SLC35C1: variants seen among roughly 807,000 people sequenced by gnomAD.
SLC35C1 encodes the protein GDP-fucose transporter 1.
In SLC35C1, 8 loss-of-function variants were observed where a neutral mutation model predicts 23.2. The observed-to-expected ratio is 0.35, with a 90% confidence interval of 0.20 to 0.62. The LOEUF (loss-of-function observed/expected upper bound fraction) is 0.62, where lower values mean the gene tolerates loss of function less well. Among genes scored for constraint, SLC35C1 ranks in the 20% least tolerant of loss-of-function variants. SLC35C1 has a pLI of 0.75. For synonymous variants in SLC35C1, 226 were observed against 225.1 expected (o/e 1.00, Z -0.04); for missense variants, 422 against 478.6 (o/e 0.88, Z 1.10).
At position 45,812,251 on chromosome 11, in the gene SLC35C1, C is replaced by A; in HGVS notation, c.*916C>A. On this transcript the variant is annotated 3_prime_UTR_variant, in exon 2 of 2. Coordinates refer to ENST00000314134, the MANE Select transcript of SLC35C1 (RefSeq NM_018389.5). The stretch of plus-strand genomic sequence containing the variant: ...ATGGAGCAAGGGTCCAGACTAGGAG[C>A]CTTCCACCCCAGCTGTGTCTGGCGC... 3.7e-6 allele frequency: 1 copy of A among 271,028 alleles called. No homozygotes were observed. Among genetic ancestry groups the A allele is most frequent in the South Asian group, 3.8e-5 (1 of 26,040 alleles). 16.8% of individuals were successfully genotyped at this position (271,028 alleles called of 1,614,324 possible). A position where few individuals can be genotyped will look rare whatever the true frequency, so the allele number is the denominator to read the frequency against.
intron 1 of SLC35C1, chr11:45,806,868 A>G: frequency 1.0e-6 from 1 of 984,648 alleles, no homozygotes; most frequent in Non-Finnish European, 1.2e-6. Context: ...AGTAGAGGAC[A>G]ATACGTCTTT....
At chr11:45,804,332 AG>A (rs1273186539), upstream of SLC35C1, 1 of 278,416 alleles carries the variant, frequency 3.6e-6, no homozygotes, top group East Asian at 1.7e-4. Flanking sequence ...GGCGGAAAGC[AG>A]GAAGTCGATC....
intron 1 of SLC35C1, among the ~76,000 whole-genome samples, chr11:45,808,281 C>T (rs1373898012): frequency 6.6e-6 from 1 of 152,088 alleles, no homozygotes; most frequent in African/African-American, 2.4e-5. Flanking sequence ...AGGTGGATCA[C>T]CTGAGATCAG....
chr11:45,811,815 C>T lies in SLC35C1; in HGVS notation c.*480C>T, dbSNP rs2085951787. On this transcript the variant is annotated 3_prime_UTR_variant, in exon 2 of 2. Transcript: ENST00000314134. ...TCCGTCTGCGGTGGGCAGGCAGCCT[C>T]ACCCTGGGCCCACAGACCGGCCTTC... The T allele has an allele frequency of 6.4e-6, 1 of 156,104 alleles. No homozygotes were observed. Among genetic ancestry groups the T allele is most frequent in the South Asian group, 2.0e-4 (1 of 5,056 alleles). The allele number at this position is 156,104 out of a possible 1,614,324, so 9.7% of individuals were successfully genotyped here. A position where few individuals can be genotyped will look rare whatever the true frequency, so the allele number is the denominator to read the frequency against.
rs890135952 is a variant in SLC35C1, at chr11:45,806,460, G to T, written c.535+124G>T. 5.3e-6 allele frequency: 7 copies of T among 1,321,540 alleles called. No individual in the cohort carries two copies. In the African/African-American group the frequency reaches 1.0e-4, roughly 19 times the overall value. 81.9% of individuals were successfully genotyped at this position (1,321,540 alleles called of 1,614,324 possible). On this transcript the variant is annotated intron_variant, in intron 1 of 1. Coordinates refer to ENST00000314134, the MANE Select transcript of SLC35C1 (RefSeq NM_018389.5). ...CTCCTTTGGTGCAGCAGTCATAGGA[G>T]AAAGAGCCTGGGGGCACAGAGAGAG...
rs2085963727 is a variant in SLC35C1, at chr11:45,812,703, TG to T, written c.*1373del. The stretch of plus-strand genomic sequence containing the variant: ...GCCCCACCTCCTAATACTGTCACCT[TG>T]GGGGTGAGAATTCCAATGTGAATTT... On this transcript the variant is annotated 3_prime_UTR_variant, in exon 2 of 2. Transcript: ENST00000314134. 2 of 452,502 alleles carry T rather than the reference TG, an allele frequency of 4.4e-6. No homozygotes were observed. The highest frequency in any genetic ancestry group is 2.0e-5 in the African/African-American group (1 of 49,934). The allele number at this position is 452,502 out of a possible 1,614,324, so 28.0% of individuals were successfully genotyped here.
At chr11:45,804,620 G>T, upstream of SLC35C1, 3 of 985,842 alleles carry the variant, frequency 3.0e-6, no homozygotes, top group Non-Finnish European at 3.6e-6. Flanking sequence ...GAGAGGCGGC[G>T]TGGCCTCCGG....
intron 1 of SLC35C1, among the ~76,000 whole-genome samples, chr11:45,807,651 A>G (rs2085891578): frequency 6.6e-6 from 1 of 152,194 alleles, no homozygotes; most frequent in South Asian, 2.1e-4. Flanking sequence ...GACCCATCCC[A>G]TGCCACCTGT....
upstream of SLC35C1, chr11:45,805,008 G>A: frequency 1.0e-6 from 1 of 985,802 alleles, no homozygotes; most frequent in Non-Finnish European, 1.2e-6. Flanking sequence ...GCAGCGGAGC[G>A]CAGGGGCGGG....
rs1395960213 is a variant in SLC35C1 at position 45,812,440 on chromosome 11, G to C, written c.*1105G>C. ...CCTATATCAAAATGCCGTAGGCCGGGTGGCTTACAAACAACAGAAACGTAT... is the reference window on the plus strand; with the variant it reads ...CCTATATCAAAATGCCGTAGGCCGGCTGGCTTACAAACAACAGAAACGTAT... On this transcript the variant is annotated 3_prime_UTR_variant, in exon 2 of 2. Coordinates refer to ENST00000314134, the MANE Select transcript of SLC35C1 (RefSeq NM_018389.5). 2.4e-6 allele frequency: 1 copy of C among 411,096 alleles called. No individual in the cohort carries two copies. Among genetic ancestry groups the C allele is most frequent in the African/African-American group, 2.0e-5 (1 of 48,938 alleles). 25.5% of individuals were successfully genotyped at this position (411,096 alleles called of 1,614,324 possible).
In SLC35C1 at chr11:45,812,725, A is replaced by C; in HGVS notation, c.*1390A>C. On this transcript the variant is annotated 3_prime_UTR_variant, in exon 2 of 2. Transcript: ENST00000314134. The stretch of plus-strand genomic sequence containing the variant: ...CCTTGGGGGTGAGAATTCCAATGTG[A>C]ATTTGCAGGGGGAGTGGGGGACACA... The C allele has an allele frequency of 2.2e-6, 1 of 449,628 alleles. No individual in the cohort carries two copies. The highest frequency in any genetic ancestry group is 1.6e-5 in the South Asian group (1 of 64,414). 27.9% of individuals were successfully genotyped at this position (449,628 alleles called of 1,614,324 possible).
rs970483134 is a variant in SLC35C1 at position 45,812,768 on chromosome 11, TACC to T, written c.*1437_*1439del. 4.2e-5 allele frequency: 18 copies of T among 427,446 alleles called. No homozygotes were observed. Among genetic ancestry groups the T allele is most frequent in the Admixed American group, 4.2e-4 (17 of 40,640 alleles). 26.5% of individuals were successfully genotyped at this position (427,446 alleles called of 1,614,324 possible). On this transcript the variant is annotated 3_prime_UTR_variant, in exon 2 of 2. Transcript: ENST00000314134. ...GGGACACACACAAATTTCGGGGCCA[TACC>T]ACCCTTCACCACACCCTCCTGCGCT... is the stretch of plus-strand genomic sequence containing the variant.
upstream of SLC35C1, chr11:45,804,699 G>C (rs1303047406): frequency 1.0e-6 from 1 of 985,454 alleles, no homozygotes; most frequent in Non-Finnish European, 1.2e-6. Context: ...TGGGGGGAAA[G>C]GAGGGGACCA....
chr11:45,805,091 A>G (rs1325438690), upstream of SLC35C1: 1 of 985,812 alleles, frequency 1.0e-6, no homozygotes, highest in East Asian at 1.1e-4. Flanking sequence ...GGGCCCTTTA[A>G]GGCCACGTGG....
Position 45,805,726 on chromosome 11 carries a change from G to T in SLC35C1, c.-76G>T. The T allele has an allele frequency of 2.5e-6, 4 of 1,599,494 alleles. No individual in the cohort carries two copies. The highest frequency in any genetic ancestry group is 2.5e-6 in the Non-Finnish European group (3 of 1,179,488). On this transcript the variant is annotated 5_prime_UTR_variant, in exon 1 of 2. Transcript: ENST00000314134. ...GAGGGCTGCGGCTTCCTTGCGGAGA[G>T]CACAAGTGAGCTCACTGCCCTGGAC...
At position 45,805,324 on chromosome 11, in the gene SLC35C1, TC is replaced by T; in HGVS notation, c.-475del. 1 of 999,864 alleles carries T rather than the reference TC, an allele frequency of 1.0e-6. No homozygotes were observed. The highest frequency in any genetic ancestry group is 3.7e-5 in the South Asian group (1 of 27,070). 61.9% of individuals were successfully genotyped at this position (999,864 alleles called of 1,614,324 possible). On this transcript the variant is annotated 5_prime_UTR_variant, in exon 1 of 2. Coordinates refer to ENST00000314134, the MANE Select transcript of SLC35C1 (RefSeq NM_018389.5). ...GGCCTCCGGCAGCTCCCTGTACGCC[TC>T]CCTCCCCCTGCCCGCCCCTCCCTCC...
chr11:45,810,286 A>G, intron 1 of SLC35C1: 1 of 985,416 alleles, frequency 1.0e-6, no homozygotes, highest in Non-Finnish European at 1.2e-6. Flanking sequence ...CTCCCATTCC[A>G]TGCAAGAAGC....
chr11:45,805,655 A>T lies in SLC35C1; in HGVS notation c.-147A>T. On this transcript the variant is annotated 5_prime_UTR_variant, in exon 1 of 2. The change abolishes an upstream ATG in the 5' untranslated region. Coordinates refer to ENST00000314134, the MANE Select transcript of SLC35C1 (RefSeq NM_018389.5). ...ACCCCAAAGCAGAACTTCTCAATCC[A>T]TGAGGACAATGGGGAGGCCTTTAGG... is the stretch of plus-strand genomic sequence containing the variant. The T allele has an allele frequency of 6.5e-7, 1 of 1,530,074 alleles. No homozygotes were observed. The highest frequency in any genetic ancestry group is 1.9e-5 in the Admixed American group (1 of 52,114). 94.8% of individuals were successfully genotyped at this position (1,530,074 alleles called of 1,614,324 possible).
At chr11:45,808,072 G>A (rs1245944577) in intron 1 of SLC35C1, among the ~76,000 whole-genome samples, 3 of 152,154 alleles carry the variant, frequency 2.0e-5, no homozygotes, top group Non-Finnish European at 2.9e-5. Flanking sequence ...GGAGGTGGAC[G>A]CTCTCTGCCA....
Sources: allele counts gnomAD v4.1 joint callset (sites outside exome capture counted in the v4.1 genomes callset), GRCh38; gene constraint gnomAD v4.1.1; transcripts MANE v1.5; gene names NCBI Gene and HGNC (gene_info 2026-07-23, HGNC 2026-07-21).